The following RAB38 variants were observed in gnomAD, a reference collection of about 807,000 sequenced individuals.
The protein encoded by RAB38 is RAB38, member RAS oncogene family, also known as ras-related protein Rab-38.
In RAB38, 15 loss-of-function variants were observed where a neutral mutation model predicts 18.4. The ratio of observed to expected loss-of-function variants is 0.82; its 90% CI spans 0.55 to 1.26. The LOEUF is 1.26. Ranked by LOEUF, RAB38 falls within the 50% of genes most tolerant of loss-of-function variation. The pLI is 0.00. For synonymous variants in RAB38, 101 were observed against 104.4 expected (o/e 0.97, Z 0.20); for missense variants, 294 against 267.4 (o/e 1.10, Z -0.69).
the RAB38 span, among the ~76,000 whole-genome samples, chr11:88,074,032 T>C: frequency 1.5e-5 from 2 of 137,412 alleles, no homozygotes; most frequent in South Asian, 4.6e-4. Flanking sequence ...GCCTACAATA[T>C]ATAGAAAATT....
At chr11:87,807,282 A>T in the RAB38 span, among the ~76,000 whole-genome samples, 1 of 152,222 alleles carries the variant, frequency 6.6e-6, no homozygotes, top group Admixed American at 6.5e-5. Context: ...CAAAATGCTA[A>T]TACAAACAAA....
chr11:88,036,910 G>C, the RAB38 span, among the ~76,000 whole-genome samples: 2 of 151,914 alleles, frequency 1.3e-5, no homozygotes, highest in Non-Finnish European at 2.9e-5. Context: ...CAAATACTTA[G>C]GATTCTTGAA....
At chr11:87,805,245 C>G in the RAB38 span, among the ~76,000 whole-genome samples, 3 of 152,064 alleles carry the variant, frequency 2.0e-5, no homozygotes, top group Non-Finnish European at 4.4e-5. Context: ...TTCTTTTGTT[C>G]TTACTTCCAT....
chr11:88,027,387 G>A, the RAB38 span, among the ~76,000 whole-genome samples: 2,566 of 152,158 alleles, frequency 0.017, 51 homozygotes, highest in Non-Finnish European at 0.025. Context: ...CAGTGGGTGC[G>A]TGCACCGTGT....
the RAB38 span, among the ~76,000 whole-genome samples, chr11:87,818,111 T>G: frequency 1.3e-5 from 2 of 152,192 alleles, no homozygotes; most frequent in African/African-American, 2.4e-5. Flanking sequence ...AAAATACAGA[T>G]AGCCGGGAGC....
At chr11:88,020,161 T>C in the RAB38 span, among the ~76,000 whole-genome samples, 2 of 152,008 alleles carry the variant, frequency 1.3e-5, no homozygotes, top group Non-Finnish European at 2.9e-5. Context: ...TGAAAAGACA[T>C]AGAGGAGCTG....
the RAB38 span, among the ~76,000 whole-genome samples, chr11:87,823,033 C>G: frequency 6.6e-6 from 1 of 152,014 alleles, no homozygotes; most frequent in African/African-American, 2.4e-5. Flanking sequence ...ACATCACAGC[C>G]TCAAAGTATA....
chr11:87,893,323 C>CAT, the RAB38 span, among the ~76,000 whole-genome samples: 11,510 of 134,686 alleles, frequency 0.085, 722 homozygotes, highest in Admixed American at 0.2. Flanking sequence ...CACACACATA[C>CAT]ATATATATAT....
chr11:88,075,633 C>T, the RAB38 span, among the ~76,000 whole-genome samples: 1 of 152,244 alleles, frequency 6.6e-6, no homozygotes, highest in East Asian at 1.9e-4. Context: ...GTTATCATAA[C>T]ACTTTGGAAA....
At chr11:88,065,328 C>T in the RAB38 span, among the ~76,000 whole-genome samples, 1 of 152,158 alleles carries the variant, frequency 6.6e-6, no homozygotes, top group Admixed American at 6.5e-5. Flanking sequence ...TCTAATATTC[C>T]TAACATTCTT....
chr11:88,045,526 C>T, the RAB38 span, among the ~76,000 whole-genome samples: 3 of 152,216 alleles, frequency 2.0e-5, no homozygotes, highest in Non-Finnish European at 4.4e-5. Context: ...TCCTCCTAAG[C>T]CATGTCCCAT....
the RAB38 span, among the ~76,000 whole-genome samples, chr11:87,967,001 C>A: frequency 1.3e-5 from 2 of 152,204 alleles, no homozygotes; most frequent in Non-Finnish European, 2.9e-5. Context: ...TGAAGGAATC[C>A]TAACTCCAGC....
At chr11:87,805,193 G>A in the RAB38 span, among the ~76,000 whole-genome samples, 7 of 152,224 alleles carry the variant, frequency 4.6e-5, no homozygotes, top group South Asian at 1.2e-3. Context: ...AGCCTGCTTG[G>A]TAACATTTTA....
chr11:87,954,232 A>G, the RAB38 span, among the ~76,000 whole-genome samples: 1 of 152,160 alleles, frequency 6.6e-6, no homozygotes, highest in East Asian at 1.9e-4. Context: ...TTGTGAGAGG[A>G]CGATGCATCC....
chr11:87,972,367 TTC>T, the RAB38 span, among the ~76,000 whole-genome samples: 1 of 152,044 alleles, frequency 6.6e-6, no homozygotes, highest in Non-Finnish European at 1.5e-5. Context: ...AGTGAAATCT[TTC>T]AGTCAAACAG....
intron 2 of RAB38, among the ~76,000 whole-genome samples, chr11:88,116,535 G>T (rs1318074860): frequency 1.3e-5 from 2 of 152,178 alleles, no homozygotes; most frequent in African/African-American, 4.8e-5. Context: ...CACAGCAAGT[G>T]GGCTGGGAGG....
the RAB38 span, among the ~76,000 whole-genome samples, chr11:87,899,602 A>G: frequency 6.6e-6 from 1 of 151,552 alleles, no homozygotes; most frequent in African/African-American, 2.4e-5. Flanking sequence ...GAATCAGGGA[A>G]GGGGCACCAT....
At chr11:87,907,314 T>C in the RAB38 span, among the ~76,000 whole-genome samples, 1 of 151,918 alleles carries the variant, frequency 6.6e-6, no homozygotes, top group Admixed American at 6.6e-5. Context: ...GGAACATTTT[T>C]ATTTGGTTAT....
At chr11:88,005,900 A>G in the RAB38 span, among the ~76,000 whole-genome samples, 1 of 151,548 alleles carries the variant, frequency 6.6e-6, no homozygotes, top group Admixed American at 6.6e-5. Context: ...GTTGTATATC[A>G]GTTGTCTATA....
Sources: gnomAD v4.1 joint callset for allele counts (sites outside exome capture counted in the v4.1 genomes callset) on GRCh38, gnomAD v4.1.1 for gene constraint, MANE v1.5 for transcripts, NCBI Gene and HGNC (gene_info 2026-07-23, HGNC 2026-07-21) for gene names.